GCH1: variants seen among roughly 807,000 people sequenced by gnomAD.
GCH1 encodes the protein GTP cyclohydrolase I.
In GCH1, 5 loss-of-function variants were observed where a neutral mutation model predicts 25.9. The observed-to-expected ratio is 0.19, with a 90% CI of 0.10 to 0.41. The LOEUF (loss-of-function observed/expected upper bound fraction) is 0.41, where lower values mean the gene tolerates loss of function less well. Ranked by LOEUF, GCH1 falls within the 10% of genes least tolerant of loss-of-function variation. The pLI, the probability that GCH1 is intolerant of heterozygous loss-of-function variation, is 1.00. For missense variants in GCH1, 261 were observed against 336.5 expected (o/e 0.78, Z 1.75); for synonymous variants, 159 against 129.6 (o/e 1.23, Z -1.54).
At chr14:54,885,398 A>T in intron 1 of GCH1, 1 of 247,618 alleles carries the variant, frequency 4.0e-6, no homozygotes, top group Admixed American at 4.7e-5. Flanking sequence ...GTCTAATAGG[A>T]ACTCCACAGG....
Position 54,895,282 on chromosome 14 carries a change from T to C in GCH1, c.343+7039A>G, listed in dbSNP as rs115442805. 9.4e-3 allele frequency among the ~76,000 whole-genome samples: 1,432 copies of C among 152,284 alleles called. 27 individuals carry two copies. Among genetic ancestry groups the C allele is most frequent in the African/African-American group, 0.032 (1,345 of 41,568 alleles). On this transcript the variant is annotated intron_variant, in intron 1 of 5. Coordinates refer to ENST00000491895, the MANE Select transcript of GCH1 (RefSeq NM_000161.3). ...GCCCTCACAGGGAAGCAGTCAGCCA[T>C]CTCCAATGCCATCTCCTCACGCTGG...
intron 1 of GCH1, among the ~76,000 whole-genome samples, chr14:54,874,077 T>A (rs1028013571): frequency 6.6e-6 from 1 of 152,076 alleles, no homozygotes; most frequent in African/African-American, 2.4e-5. Flanking sequence ...CTGATGAACA[T>A]CCATGCAAAA....
At chr14:54,855,470 C>T (rs1024078434) in intron 3 of GCH1, among the ~76,000 whole-genome samples, 12 of 133,414 alleles carry the variant, frequency 9.0e-5, no homozygotes, top group Non-Finnish European at 1.2e-4. Flanking sequence ...AGTGCCACTG[C>T]ACTCCAGCCT....
At chr14:54,892,908 GTC>G (rs896049528) in intron 1 of GCH1, among the ~76,000 whole-genome samples, 1 of 151,356 alleles carries the variant, frequency 6.6e-6, no homozygotes, top group African/African-American at 2.4e-5. Flanking sequence ...GTGAAACCCT[GTC>G]TCTGCTAAAA....
chr14:54,894,368 C>A (rs1326246094), intron 1 of GCH1, among the ~76,000 whole-genome samples: 2 of 152,164 alleles, frequency 1.3e-5, no homozygotes, highest in Non-Finnish European at 2.9e-5. Context: ...ACGGCCACCA[C>A]CAGAAGCTGG....
Position 54,902,770 on chromosome 14 carries a change from T to C in GCH1, c.-107A>G, listed in dbSNP as rs535958495. 3 of 1,341,438 alleles carry C rather than the reference T, an allele frequency of 2.2e-6. No homozygotes were observed. The highest frequency in any genetic ancestry group is 3.8e-5 in the Admixed American group (1 of 26,500). The allele number at this position is 1,341,438 out of a possible 1,614,324, so 83.1% of individuals were successfully genotyped here. ...ACAATGGGCTGTGGCCGGAGTCACC[T>C]GAGGAAGGTACGCAACCTGCTTAGA... On this transcript the variant is annotated 5_prime_UTR_variant, in exon 1 of 6. Transcript: ENST00000491895.
At chr14:54,882,146 C>T (rs1475250706) in intron 1 of GCH1, among the ~76,000 whole-genome samples, 1 of 152,186 alleles carries the variant, frequency 6.6e-6, no homozygotes, top group African/African-American at 2.4e-5. Flanking sequence ...CTTAGGGGAA[C>T]CGCACGCACA....
intron 1 of GCH1, among the ~76,000 whole-genome samples, chr14:54,897,050 G>A (rs1273976048): frequency 3.0e-4 from 34 of 114,516 alleles, no homozygotes; most frequent in Admixed American, 4.7e-4. Context: ...TTGCTCTGTC[G>A]CCAGGCTGGA....
chr14:54,889,907 A>T (rs903738373), intron 1 of GCH1, among the ~76,000 whole-genome samples: 2 of 152,226 alleles, frequency 1.3e-5, no homozygotes, highest in Non-Finnish European at 2.9e-5. Flanking sequence ...AAAAATGCCA[A>T]AAAATGTAGC....
intron 1 of GCH1, among the ~76,000 whole-genome samples, chr14:54,881,466 G>A (rs756814373): frequency 6.6e-6 from 1 of 152,048 alleles, no homozygotes; most frequent in Non-Finnish European, 1.5e-5. Context: ...AAAAAAAATC[G>A]CTCTCTCTGC....
intron 2 of GCH1, among the ~76,000 whole-genome samples, chr14:54,864,693 C>A (rs1215071834): frequency 6.6e-6 from 1 of 152,192 alleles, no homozygotes; most frequent in Non-Finnish European, 1.5e-5. Context: ...GAGTGCCCCA[C>A]CTTCTGGATT....
intron 1 of GCH1, among the ~76,000 whole-genome samples, chr14:54,866,626 T>A (rs958923787): frequency 2.0e-5 from 3 of 151,962 alleles, no homozygotes; most frequent in African/African-American, 7.3e-5. Flanking sequence ...CTCTTTCCCC[T>A]CAGAAAGGCA....
chr14:54,873,884 G>A (rs2040118005), intron 1 of GCH1, among the ~76,000 whole-genome samples: 1 of 152,176 alleles, frequency 6.6e-6, no homozygotes, highest in Admixed American at 6.5e-5. Context: ...TCCAGGACCA[G>A]ATGGATTCAC....
chr14:54,848,957 T>C (rs10143089), intron 3 of GCH1, among the ~76,000 whole-genome samples: 12,057 of 152,292 alleles, frequency 0.079, 1,561 homozygotes, highest in African/African-American at 0.27. Context: ...GGAGATGCCA[T>C]TGATTTTAAA....
At chr14:54,874,435 G>C (rs890704835) in intron 1 of GCH1, among the ~76,000 whole-genome samples, 1 of 152,220 alleles carries the variant, frequency 6.6e-6, no homozygotes, top group Non-Finnish European at 1.5e-5. Flanking sequence ...ACTGGCACAA[G>C]ACAGGGATGT....
intron 1 of GCH1, among the ~76,000 whole-genome samples, chr14:54,880,814 T>TATATATATACTCC: frequency 1.1e-5 from 1 of 91,888 alleles, no homozygotes; most frequent in African/African-American, 6.4e-5. Flanking sequence ...ATACTCCATA[T>TATATATATACTCC]ATATATATAT....
chr14:54,888,418 T>C (rs1189005690), intron 1 of GCH1, among the ~76,000 whole-genome samples: 1 of 152,154 alleles, frequency 6.6e-6, no homozygotes, highest in Non-Finnish European at 1.5e-5. Flanking sequence ...AATAGTCAAG[T>C]GACTCACCTA....
At chr14:54,870,492 G>A (rs1298227664) in intron 1 of GCH1, among the ~76,000 whole-genome samples, 2 of 152,112 alleles carry the variant, frequency 1.3e-5, no homozygotes, top group African/African-American at 2.4e-5. Flanking sequence ...GGGGAGTGTC[G>A]GACAGTGGGT....
At chr14:54,894,407 C>T (rs1490846348) in intron 1 of GCH1, among the ~76,000 whole-genome samples, 1 of 152,176 alleles carries the variant, frequency 6.6e-6, no homozygotes, top group African/African-American at 2.4e-5. Context: ...TCCCCCACTA[C>T]AGGTTCTGGA....
Sources: gnomAD v4.1 joint callset for allele counts (sites outside exome capture counted in the v4.1 genomes callset) on GRCh38, gnomAD v4.1.1 for gene constraint, MANE v1.5 for transcripts, NCBI Gene and HGNC (gene_info 2026-07-23, HGNC 2026-07-21) for gene names.